PTPRD: variants seen among roughly 807,000 people sequenced by gnomAD.
The protein encoded by PTPRD is receptor-type tyrosine-protein phosphatase delta.
In PTPRD, 34 loss-of-function variants were observed where a neutral mutation model predicts 214.5. That is an observed-to-expected ratio of 0.16 (90% CI 0.12 to 0.21). PTPRD has a LOEUF of 0.21. PTPRD is among the 10% of genes least tolerant of loss of function. The pLI, the probability that PTPRD is intolerant of heterozygous loss-of-function variation, is 1.00. For synonymous variants in PTPRD, 1,128 were observed against 845.7 expected, an observed-to-expected ratio of 1.33 and a Z score of -5.79; for missense variants, 2,545 against 2,398.7, an observed-to-expected ratio of 1.06 and a Z score of -1.27.
At chr9:8,735,961 A>G (rs1039246233) in intron 11 of PTPRD, among the ~76,000 whole-genome samples, 1 of 152,054 alleles carries the variant, frequency 6.6e-6, no homozygotes, top group African/African-American at 2.4e-5. Context: ...AATAGGTCAC[A>G]GAGAGCCTTG....
rs551310059 is a variant in PTPRD, at chr9:9,660,236, A to C, written c.-287+74297T>G. On this transcript the variant is annotated intron_variant, in intron 7 of 45. Transcript: ENST00000381196. ...GATTTTGGATATTATTTTAGGTGAC[A>C]TCGGAAGCCTTTGGAGGTTGAGAGT... 2.0e-5 allele frequency among the ~76,000 whole-genome samples: 3 copies of C among 152,012 alleles called. No homozygotes were observed. In the South Asian group the frequency reaches 6.2e-4, roughly 31 times the overall value.
At chr9:9,721,756 C>A (rs537272850) in intron 7 of PTPRD, among the ~76,000 whole-genome samples, 40 of 152,184 alleles carry the variant, frequency 2.6e-4, no homozygotes, top group East Asian at 5.8e-4. Flanking sequence ...ACTTGTTTGT[C>A]ATTCAGGTCA....
At chr9:10,513,477 T>C (rs1395324713) in intron 2 of PTPRD, among the ~76,000 whole-genome samples, 1 of 152,080 alleles carries the variant, frequency 6.6e-6, no homozygotes. Flanking sequence ...GGAAGAATCA[T>C]CAAAGAAGAG....
Position 9,075,915 on chromosome 9 carries a change from GGT to G in PTPRD, c.-142-57182_-142-57181del, listed in dbSNP as rs1267004154. ...TAGCAGCATGATTTATAATCCTTTG[GGT>G]ATATACCCAGTAATGGGATGGCTGG... On this transcript the variant is annotated intron_variant, in intron 10 of 45. Transcript: ENST00000381196. Among the ~76,000 whole-genome samples, 3 of 152,016 alleles carry G rather than the reference GGT, an allele frequency of 2.0e-5. No homozygotes were observed. In the South Asian group the frequency reaches 6.2e-4, roughly 32 times the overall value.
intron 7 of PTPRD, among the ~76,000 whole-genome samples, chr9:9,608,806 G>T (rs2094343679): frequency 6.6e-6 from 1 of 152,152 alleles, no homozygotes; most frequent in African/African-American, 2.4e-5. Context: ...AGCAGGGTTT[G>T]CTTGATTCCT....
At chr9:9,450,971 A>ACACACACACG (rs1392651931) in intron 8 of PTPRD, among the ~76,000 whole-genome samples, 1 of 151,438 alleles carries the variant, frequency 6.6e-6, no homozygotes, top group Non-Finnish European at 1.5e-5. Flanking sequence ...ACACACACAC[A>ACACACACACG]CACACACACA....
At chr9:8,761,417 C>T (rs763555290) in intron 11 of PTPRD, among the ~76,000 whole-genome samples, 3 of 152,072 alleles carry the variant, frequency 2.0e-5, no homozygotes, top group East Asian at 3.9e-4. Flanking sequence ...TCTTTGTGTG[C>T]TTTTTTTCCT....
intron 12 of PTPRD, among the ~76,000 whole-genome samples, chr9:8,695,797 A>G (rs931081101): frequency 6.6e-6 from 1 of 152,188 alleles, no homozygotes; most frequent in African/African-American, 2.4e-5. Context: ...AAAGCCTTCA[A>G]CTGAAGTTTG....
At chr9:9,438,256 A>C (rs899251496) in intron 8 of PTPRD, among the ~76,000 whole-genome samples, 2 of 152,218 alleles carry the variant, frequency 1.3e-5, no homozygotes, top group Admixed American at 1.3e-4. Context: ...AAGTCAACCT[A>C]TAGCCAGTGC....
intron 11 of PTPRD, among the ~76,000 whole-genome samples, chr9:8,774,440 G>A (rs940819436): frequency 6.6e-6 from 1 of 151,492 alleles, no homozygotes; most frequent in Non-Finnish European, 1.5e-5. Flanking sequence ...AAAACAGGGA[G>A]CTTTAGAGAC....
At chr9:8,609,596 A>G (rs1422575200) in intron 14 of PTPRD, among the ~76,000 whole-genome samples, 2 of 152,248 alleles carry the variant, frequency 1.3e-5, no homozygotes. Context: ...ACAGAACAGG[A>G]GCAATTTAGC....
chr9:8,915,980 A>AGATCCCTG (rs2098783104), intron 11 of PTPRD, among the ~76,000 whole-genome samples: 1 of 152,198 alleles, frequency 6.6e-6, no homozygotes, highest in African/African-American at 2.4e-5. Context: ...GTGTTTAGAA[A>AGATCCCTG]GATCCCTGTC....
At chr9:9,205,562 A>C (rs2099944321) in intron 9 of PTPRD, among the ~76,000 whole-genome samples, 1 of 152,218 alleles carries the variant, frequency 6.6e-6, no homozygotes, top group South Asian at 2.1e-4. Context: ...TCATTAAGAC[A>C]GTCTTCTTTC....
chr9:8,646,650 C>T (rs1181446553), intron 12 of PTPRD, among the ~76,000 whole-genome samples: 1 of 152,122 alleles, frequency 6.6e-6, no homozygotes, highest in South Asian at 2.1e-4. Flanking sequence ...TGAAATGTAC[C>T]ATCCTTTCGA....
intron 7 of PTPRD, among the ~76,000 whole-genome samples, chr9:9,648,110 A>G (rs2096243629): frequency 6.6e-6 from 1 of 152,228 alleles, no homozygotes; most frequent in Non-Finnish European, 1.5e-5. Flanking sequence ...TTCTGAAAGA[A>G]TAATTTTTGT....
intron 10 of PTPRD, among the ~76,000 whole-genome samples, chr9:9,026,077 G>C (rs941025302): frequency 6.6e-6 from 1 of 151,920 alleles, no homozygotes; most frequent in Non-Finnish European, 1.5e-5. Context: ...ACAGGGTATT[G>C]TGGTAGTGAA....
rs539801781 is a variant in PTPRD, at chr9:8,465,556, G to C, written c.3624C>G (p.Asp1208Glu). 2 of 1,612,586 alleles carry C rather than the reference G, an allele frequency of 1.2e-6. No individual in the cohort carries two copies. Among genetic ancestry groups the C allele is most frequent in the Non-Finnish European group, 1.7e-6 (2 of 1,179,054 alleles). ...TGTTTGTAAATCCACCATAATGCTT[G>C]TCATCCCCCAGGGTGAACTCAGTGG... is the stretch of plus-strand genomic sequence containing the variant. The part of the protein sequence containing the change: ...VLPTEFTLGD[D>E]KHYGGFTNKQ... Residue 1208 changes from aspartate (D) to glutamate (E), a missense_variant, in exon 32 of 46, where the codon GAC becomes GAG. Asp to Glu is a conservative substitution (Grantham distance 45, BLOSUM62 2). Transcript: ENST00000381196.
chr9:8,415,493 C>T lies in PTPRD; in HGVS notation c.4087-10833G>A, dbSNP rs527778380. On this transcript the variant is annotated intron_variant, in intron 35 of 45. Coordinates refer to ENST00000381196, the MANE Select transcript of PTPRD (RefSeq NM_002839.4). The stretch of plus-strand genomic sequence containing the variant: ...CTATAATATTTTATAATATTTAAGG[C>T]TGTGATTGGAATATTAAATGTAATT... Among the ~76,000 whole-genome samples the T allele has an allele frequency of 2.6e-4, 39 of 151,996 alleles. 1 individual carries two copies. The highest frequency in any genetic ancestry group is 7.4e-5 in the Non-Finnish European group (5 of 67,998).
intron 14 of PTPRD, among the ~76,000 whole-genome samples, chr9:8,576,228 A>G (rs1272828022): frequency 6.6e-6 from 1 of 152,172 alleles, no homozygotes; most frequent in East Asian, 1.9e-4. Context: ...TGATTCTATC[A>G]TATTTATAAA....
Sources: gnomAD v4.1 joint callset for allele counts (sites outside exome capture counted in the v4.1 genomes callset) on GRCh38, gnomAD v4.1.1 for gene constraint, MANE v1.5 for transcripts, NCBI Gene and HGNC (gene_info 2026-07-23, HGNC 2026-07-21) for gene names.